CEP112: variants seen among roughly 807,000 people sequenced by gnomAD.
CEP112 encodes centrosomal protein of 112 kDa.
A neutral mutation model predicts 153.0 loss-of-function variants in CEP112; 127 were observed. The ratio of observed to expected loss-of-function variants is 0.83; its 90% CI spans 0.72 to 0.96. CEP112 has a LOEUF of 0.96. CEP112 is among the 40% of genes least tolerant of loss of function. The probability of loss-of-function intolerance (pLI) is 0.00; values close to 1 mark genes in which losing one functional copy is unlikely to be tolerated. For synonymous variants in CEP112, 358 were observed against 374.4 expected, an observed-to-expected ratio of 0.96 and a Z score of 0.51; for missense variants, 1,089 against 1,101.2, an observed-to-expected ratio of 0.99 and a Z score of 0.16.
At chr17:65,822,712 C>G (rs1308077557) in intron 21 of CEP112, among the ~76,000 whole-genome samples, 1 of 151,950 alleles carries the variant, frequency 6.6e-6, no homozygotes, top group Non-Finnish European at 1.5e-5. Context: ...CCAAAATTCA[C>G]CAGTTTATTA....
At chr17:65,902,075 G>A (rs973382579) in intron 20 of CEP112, 77 bp downstream of exon 20, 3 of 905,684 alleles carry the variant, frequency 3.3e-6, no homozygotes, top group South Asian at 2.3e-5. Context: ...GCATCAATAA[G>A]AATAATAAGA....
chr17:65,801,329 A>G (rs1442129420), intron 21 of CEP112, among the ~76,000 whole-genome samples: 1 of 152,146 alleles, frequency 6.6e-6, no homozygotes, highest in East Asian at 1.9e-4. Flanking sequence ...AACTGTTGGG[A>G]TTACAGGCAT....
chr17:65,853,378 G>A (rs2058028804), intron 20 of CEP112, among the ~76,000 whole-genome samples: 1 of 151,996 alleles, frequency 6.6e-6, no homozygotes. Flanking sequence ...TGGTCATACT[G>A]GATTTAGGGC....
At position 66,053,744 on chromosome 17, in the gene CEP112, GTGTT is replaced by G. The variant is rs2066551724; in HGVS notation, c.1206_1209del (p.Gln402HisfsTer7). ...CAGGTTTAAAGACTCACTGTGGACT[GTGTT>G]TGCGCCATGTATTCACTCTCCATTT... On this transcript the variant is annotated frameshift_variant, in exon 12 of 27. Coordinates refer to ENST00000535342, the MANE Select transcript of CEP112 (RefSeq NM_001199165.4). LOFTEE classifies it high-confidence loss of function. 6.2e-7 allele frequency: 1 copy of G among 1,612,754 alleles called. No individual in the cohort carries two copies. The highest frequency in any genetic ancestry group is 2.2e-5 in the East Asian group (1 of 44,832).
At chr17:66,050,409 T>A (rs1025771814) in intron 12 of CEP112, among the ~76,000 whole-genome samples, 4 of 152,172 alleles carry the variant, frequency 2.6e-5, no homozygotes, top group Admixed American at 1.3e-4. Context: ...CCAGTTGCCA[T>A]GGTAAAAACC....
At chr17:65,761,871 T>C (rs1359162984) in intron 21 of CEP112, among the ~76,000 whole-genome samples, 2 of 152,148 alleles carry the variant, frequency 1.3e-5, no homozygotes, top group Non-Finnish European at 1.5e-5. Context: ...GCCGCTGCTG[T>C]TGGATGAAGT....
chr17:65,983,056 T>C (rs2063286035), intron 17 of CEP112, among the ~76,000 whole-genome samples: 1 of 152,202 alleles, frequency 6.6e-6, no homozygotes, highest in Non-Finnish European at 1.5e-5. Context: ...TAGGAGGATC[T>C]GACAGAAGGC....
chr17:65,780,090 T>C (rs1263212746), intron 21 of CEP112, among the ~76,000 whole-genome samples: 1 of 152,110 alleles, frequency 6.6e-6, no homozygotes, highest in Non-Finnish European at 1.5e-5. Flanking sequence ...TGGTCAGTTT[T>C]GTGGACTTTT....
intron 21 of CEP112, among the ~76,000 whole-genome samples, chr17:65,772,548 A>G (rs181153912): frequency 4.6e-5 from 7 of 151,978 alleles, no homozygotes; most frequent in Admixed American, 4.6e-4. Flanking sequence ...CTCAAGAATT[A>G]GAAAACTCAA....
chr17:66,095,392 C>T (rs996969882), intron 8 of CEP112, among the ~76,000 whole-genome samples: 6 of 151,838 alleles, frequency 4.0e-5, no homozygotes, highest in Non-Finnish European at 8.8e-5. Context: ...CTAGAGAACA[C>T]GATGTTAAGT....
intron 21 of CEP112, among the ~76,000 whole-genome samples, chr17:65,766,097 T>C (rs2052950227): frequency 7.0e-6 from 1 of 143,492 alleles, no homozygotes; most frequent in Non-Finnish European, 1.5e-5. Flanking sequence ...GAGAGACAAT[T>C]TGATGATATC....
chr17:65,991,476 T>C (rs2063592638), intron 17 of CEP112, among the ~76,000 whole-genome samples: 1 of 147,668 alleles, frequency 6.8e-6, no homozygotes, highest in African/African-American at 2.4e-5. Context: ...TTTAAATATA[T>C]ATGCATCAGT....
intron 20 of CEP112, among the ~76,000 whole-genome samples, chr17:65,885,012 G>A (rs776297714): frequency 2.0e-5 from 3 of 152,018 alleles, no homozygotes; most frequent in Non-Finnish European, 1.5e-5. Context: ...CATCGCGCCC[G>A]GCCTAGTTTG....
chr17:65,965,247 TA>T (rs1452427794), intron 17 of CEP112, among the ~76,000 whole-genome samples: 1 of 152,214 alleles, frequency 6.6e-6, no homozygotes, highest in Non-Finnish European at 1.5e-5. Context: ...GAGGCCATTT[TA>T]AAATATGAAA....
chr17:66,044,148 C>G (rs909591708), intron 12 of CEP112, among the ~76,000 whole-genome samples: 1 of 152,090 alleles, frequency 6.6e-6, no homozygotes, highest in Non-Finnish European at 1.5e-5. Flanking sequence ...GGCTCCAAAG[C>G]ATGACTTTTC....
intron 21 of CEP112, among the ~76,000 whole-genome samples, chr17:65,760,372 TGAA>T (rs1438558927): frequency 6.6e-6 from 1 of 152,184 alleles, no homozygotes; most frequent in Non-Finnish European, 1.5e-5. Context: ...TTTCTCACCA[TGAA>T]GTTCAATGTT....
chr17:65,861,546 A>G (rs946403211), intron 20 of CEP112, among the ~76,000 whole-genome samples: 2 of 152,250 alleles, frequency 1.3e-5, no homozygotes, highest in Non-Finnish European at 2.9e-5. Context: ...AAAGTATATC[A>G]ACAAGTAAAA....
At position 65,851,903 on chromosome 17, in the gene CEP112, T is replaced by C; in HGVS notation, c.2295A>G (p.Glu765=). 6.2e-7 allele frequency: 1 copy of C among 1,614,190 alleles called. No homozygotes were observed. The highest frequency in any genetic ancestry group is 2.2e-5 in the East Asian group (1 of 44,878). Residue 765 remains glutamate, a synonymous_variant, in exon 21 of 27, where the codon GAA becomes GAG. Transcript: ENST00000535342. ...REEEKQRATR[E]HEIVVNKLKA... ...TCAGTTTATTGACGACAATCTCATG[T>C]TCCCTTGTAGCCCTTTGCTTTTCCT...
intron 12 of CEP112, among the ~76,000 whole-genome samples, chr17:66,033,387 G>A (rs1051711406): frequency 2.6e-5 from 4 of 152,252 alleles, no homozygotes; most frequent in African/African-American, 7.2e-5. Context: ...AATCAGACCT[G>A]TCACTCTCTT....
Sources: gnomAD v4.1 joint callset for allele counts (sites outside exome capture counted in the v4.1 genomes callset) on GRCh38, gnomAD v4.1.1 for gene constraint, MANE v1.5 for transcripts, NCBI Gene and HGNC (gene_info 2026-07-23, HGNC 2026-07-21) for gene names.